CHRNA2: variants seen among roughly 807,000 people sequenced by gnomAD.
The protein encoded by CHRNA2 is cholinergic receptor nicotinic alpha 2 subunit.
A neutral mutation model predicts 45.5 loss-of-function variants in CHRNA2; 40 were observed. The ratio of observed to expected loss-of-function variants is 0.88; its 90% CI spans 0.68 to 1.15. CHRNA2 has a LOEUF of 1.15. CHRNA2 is among the 50% of genes most tolerant of loss of function. The pLI is 0.00. For missense variants in CHRNA2, 655 were observed against 701.7 expected, an observed-to-expected ratio of 0.93 and a Z score of 0.75; for synonymous variants, 301 against 296.7, an observed-to-expected ratio of 1.01 and a Z score of -0.15.
intron 6 of CHRNA2, among the ~76,000 whole-genome samples, chr8:27,461,984 A>G (rs886087930): frequency 1.1e-4 from 16 of 152,218 alleles, no homozygotes; most frequent in African/African-American, 3.4e-4. Context: ...CAGCCCCTCC[A>G]CATGCCCAGA....
chr8:27,462,909 T>C, intron 6 of CHRNA2, 70 bp downstream of exon 6: 1 of 1,599,432 alleles, frequency 6.3e-7, no homozygotes, highest in East Asian at 2.2e-5. Flanking sequence ...GCTCACACTC[T>C]GCGGTAAGGT....
In CHRNA2 at chr8:27,469,830, G is replaced by A. The variant is rs371737919; in HGVS notation, c.225C>T (p.Arg75=). The change falls in exon 3 of 7, where the codon CGC becomes CGT. Residue 75 remains arginine, a synonymous_variant. Coordinates refer to ENST00000407991, the MANE Select transcript of CHRNA2 (RefSeq NM_000742.4). ...HLFRGYNRWA[R]PVPNTSDVVI... ...CCACGTCTGAAGTGTTGGGCACCGGGCGCGCCCAGCGGTTGTAGCCCCGGA... is the reference window on the plus strand; with the variant it reads ...CCACGTCTGAAGTGTTGGGCACCGGACGCGCCCAGCGGTTGTAGCCCCGGA... The A allele has an allele frequency of 2.5e-5, 41 of 1,614,070 alleles. No homozygotes were observed. Among genetic ancestry groups the A allele is most frequent in the Non-Finnish European group, 3.3e-5 (39 of 1,180,042 alleles).
In CHRNA2 at chr8:27,469,827, C is replaced by A. The variant is rs200277900; in HGVS notation, c.228G>T (p.Pro76=). The change falls in exon 3 of 7, where the codon CCG becomes CCT. Residue 76 remains proline (P), a synonymous_variant. Transcript: ENST00000407991. ...TCACCACGTCTGAAGTGTTGGGCACCGGGCGCGCCCAGCGGTTGTAGCCCC... is the reference window on the plus strand; with the variant it reads ...TCACCACGTCTGAAGTGTTGGGCACAGGGCGCGCCCAGCGGTTGTAGCCCC... The part of the protein sequence containing the change: ...LFRGYNRWAR[P]VPNTSDVVIV... 6.2e-7 allele frequency: 1 copy of A among 1,614,138 alleles called. No homozygotes were observed. Among genetic ancestry groups the A allele is most frequent in the Non-Finnish European group, 8.5e-7 (1 of 1,180,036 alleles).
At position 27,463,340 on chromosome 8, in the gene CHRNA2, C is replaced by T; in HGVS notation, c.1103G>A (p.Gly368Glu). ...CCGGGGCACACAGCCCAGAAGGGCC[C>T]CCCGCACCCAGTGGGGCATGGTGTG... ...STHTMPHWVRGALLGCVPRWL... is the reference protein window; with the variant it reads ...STHTMPHWVREALLGCVPRWL... The change falls in exon 6 of 7, where the codon GGG becomes GAG. Residue 368 changes from glycine to glutamate, a missense_variant. Coordinates refer to ENST00000407991, the MANE Select transcript of CHRNA2 (RefSeq NM_000742.4). This position sits in a 1 kb window ranked among gnomAD's most constrained non-coding sequence, Gnocchi z 6.1. 1.2e-6 allele frequency: 2 copies of T among 1,613,894 alleles called. No homozygotes were observed. Among genetic ancestry groups the T allele is most frequent in the Non-Finnish European group, 1.7e-6 (2 of 1,180,014 alleles).
chr8:27,474,611 G>T (rs951284984), intron 1 of CHRNA2, among the ~76,000 whole-genome samples: 1 of 152,214 alleles, frequency 6.6e-6, no homozygotes, highest in Non-Finnish European at 1.5e-5. Context: ...GTGCCTCCAG[G>T]GGGAGAAGCA....
At chr8:27,461,867 A>G (rs1812503713) in intron 6 of CHRNA2, 113 bp from the exon 7 acceptor site, 1 of 1,472,080 alleles carries the variant, frequency 6.8e-7, no homozygotes, top group Non-Finnish European at 9.4e-7. Flanking sequence ...ACTGCCCCAC[A>G]GAGACCTTGG....
chr8:27,461,982 C>T (rs1220234776), intron 6 of CHRNA2, among the ~76,000 whole-genome samples: 2 of 152,232 alleles, frequency 1.3e-5, no homozygotes, highest in Non-Finnish European at 2.9e-5. Flanking sequence ...CCCAGCCCCT[C>T]CACATGCCCA....
rs374849310 is a variant in CHRNA2 at position 27,463,006 on chromosome 8, G to C, written c.1437C>G (p.His479Gln). 1.9e-6 allele frequency: 3 copies of C among 1,614,024 alleles called. No homozygotes were observed. The highest frequency in any genetic ancestry group is 2.5e-6 in the Non-Finnish European group (3 of 1,180,058). Residue 479 changes from histidine (H) to glutamine (Q), a missense_variant, in exon 6 of 7, where the codon CAC (histidine) becomes CAG (glutamine). Physicochemically the swap from His to Gln is conservative, Grantham distance 24 (BLOSUM62 0). This residue lies in a region of CHRNA2 where 295 missense variants were observed against 280.4 expected (regional missense o/e 1.05). Coordinates refer to ENST00000407991, the MANE Select transcript of CHRNA2 (RefSeq NM_000742.4). The surrounding 1 kb of genome is among the most constrained non-coding windows in gnomAD (Gnocchi z 6.1). ...AAGAGTCAGCATCCTCAGACCGCAG[G>C]TGGTCGGCAATGTAGTGCACACCTT... is the stretch of plus-strand genomic sequence containing the variant. Reference protein sequence around the residue: ...ALEGVHYIADHLRSEDADSSV... With the variant: ...ALEGVHYIADQLRSEDADSSV...
intron 4 of CHRNA2, 97 bp downstream of exon 4, chr8:27,469,238 G>A (rs1279185946): frequency 2.5e-6 from 3 of 1,217,232 alleles, no homozygotes; most frequent in Non-Finnish European, 3.6e-6. Flanking sequence ...GGGTCTTGCT[G>A]TTCCTTGGTC....
chr8:27,461,621 A>T lies in CHRNA2; in HGVS notation c.*8T>A. The T allele has an allele frequency of 5.6e-6, 9 of 1,614,110 alleles. No homozygotes were observed. The highest frequency in any genetic ancestry group is 7.6e-6 in the Non-Finnish European group (9 of 1,179,932). ...GGTGCCCTGGGAGCCAGCTCGAGGG[A>T]GGTGCAGTCAGATCATTCCAGCTAG... On this transcript the variant is annotated 3_prime_UTR_variant, in exon 7 of 7. Coordinates refer to ENST00000407991, the MANE Select transcript of CHRNA2 (RefSeq NM_000742.4).
chr8:27,464,102 C>T, intron 5 of CHRNA2, 109 bp from the exon 6 acceptor site: 1 of 1,281,126 alleles, frequency 7.8e-7, no homozygotes, highest in African/African-American at 1.5e-5. Flanking sequence ...CAGACCCGGC[C>T]ACACTGGCGG....
In CHRNA2 at chr8:27,471,203, G is replaced by T; in HGVS notation, c.-136-9C>A. 1.4e-6 allele frequency: 1 copy of T among 730,884 alleles called. No homozygotes were observed. The highest frequency in any genetic ancestry group is 1.5e-5 in the South Asian group (1 of 65,086). 45.3% of individuals were successfully genotyped at this position (730,884 alleles called of 1,614,324 possible). A position where few individuals can be genotyped will look rare whatever the true frequency, so the allele number is the denominator to read the frequency against. On this transcript the variant is annotated splice_polypyrimidine_tract_variant and intron_variant, in intron 1 of 6. Transcript: ENST00000407991. ...TCCTCTCACCACCGAACCTGAGCAAGCCCAAGAAAGGGCTCTTAGGGTCAT... is the reference window on the plus strand; with the variant it reads ...TCCTCTCACCACCGAACCTGAGCAATCCCAAGAAAGGGCTCTTAGGGTCAT...
chr8:27,469,914 C>G lies in CHRNA2; in HGVS notation c.141G>C (p.Thr47=). 1 of 1,614,116 alleles carries G rather than the reference C, an allele frequency of 6.2e-7. No homozygotes were observed. Among genetic ancestry groups the G allele is most frequent in the African/African-American group, 1.3e-5 (1 of 75,056 alleles). Residue 47 remains threonine (T), a synonymous_variant, in exon 3 of 7, where the codon ACG becomes ACC. Coordinates refer to ENST00000407991, the MANE Select transcript of CHRNA2 (RefSeq NM_000742.4). ...PGDPLSSPSP[T]ALPQGGSHTE... ...TATGCGAGCCTCCCTGCGGCAATGC[C>G]GTGGGACTGGGAGAGGAGAGTGGGT...
intron 6 of CHRNA2, 89 bp downstream of exon 6, chr8:27,462,886 CTGGG>C (rs1812541227): frequency 1.3e-6 from 2 of 1,521,080 alleles, no homozygotes; most frequent in East Asian, 4.5e-5. Flanking sequence ...CGAGAGGGGC[CTGGG>C]CTGCCCAAGC....
rs1812587015 is a variant in CHRNA2, at chr8:27,463,495, C to A, written c.948G>T (p.Glu316Asp). 1 of 1,614,078 alleles carries A rather than the reference C, an allele frequency of 6.2e-7. No homozygotes were observed. Among genetic ancestry groups the A allele is most frequent in the Admixed American group, 1.7e-5 (1 of 60,000 alleles). Residue 316 changes from glutamate (E) to aspartate (D), a missense_variant, in exon 6 of 7, where the codon GAG (glutamate) becomes GAT (aspartate). Around this residue, in one of 3 missense-constraint regions of CHRNA2, gnomAD observed 37 missense variants for 66.8 expected, o/e 0.55. Transcript: ENST00000407991. The surrounding 1 kb of genome is among the most constrained non-coding windows in gnomAD (Gnocchi z 6.1). ...SLTVFLLLIT[E>D]IIPSTSLVIP... ...TGACCAGCGAGGTGGACGGGATGAT[C>A]TCAGTGATGAGCAGCAGGAAGACGG...
chr8:27,467,490 C>A, intron 4 of CHRNA2, 152 bp from the exon 5 acceptor site: 1 of 630,128 alleles, frequency 1.6e-6, no homozygotes. Flanking sequence ...GAGGGAGCTG[C>A]GGTGCTGGGA....
In CHRNA2 at chr8:27,469,385, C is replaced by CCAGAGAGAGA. The variant is rs776047724; in HGVS notation, c.295-16_295-7dup. ...ATCATTTGGTTCTTCTCATCCTGGC[C>CCAGAGAGAGA]CAGAGAGAGACAGAGGAGCAATTAA... On this transcript the variant is annotated splice_region_variant and splice_polypyrimidine_tract_variant and intron_variant, in intron 3 of 6. Transcript: ENST00000407991. 2.9e-4 allele frequency: 455 copies of CCAGAGAGAGA among 1,555,910 alleles called. 2 individuals carry two copies. Among genetic ancestry groups the CCAGAGAGAGA allele is most frequent in the South Asian group, 2.0e-3 (171 of 84,366 alleles).
chr8:27,471,531 A>T (rs1278688001), intron 1 of CHRNA2, among the ~76,000 whole-genome samples: 1 of 152,268 alleles, frequency 6.6e-6, no homozygotes, highest in Non-Finnish European at 1.5e-5. Flanking sequence ...GGATCAGGGT[A>T]CTATTCACAA....
At chr8:27,461,843 T>TG in intron 6 of CHRNA2, 89 bp from the exon 7 acceptor site, 1 of 1,591,000 alleles carries the variant, frequency 6.3e-7, no homozygotes, top group Non-Finnish European at 8.6e-7. Flanking sequence ...AGGCGGCCAC[T>TG]GGGGGCAGCA....
Sources: gnomAD v4.1 joint callset for allele counts (sites outside exome capture counted in the v4.1 genomes callset) on GRCh38, gnomAD v4.1.1 for gene constraint, gnomAD v4.1.1 regional missense constraint, Gnocchi (gnomAD v3.1) non-coding constraint, MANE v1.5 for transcripts, NCBI Gene and HGNC (gene_info 2026-07-23, HGNC 2026-07-21) for gene names.